AGBL4: variants seen among roughly 807,000 people sequenced by gnomAD.
AGBL4 encodes AGBL carboxypeptidase 4, also known as cytosolic carboxypeptidase 6.
Under a neutral mutation model 66.4 loss-of-function variants are expected in AGBL4, and 58 were observed. That is an observed-to-expected ratio of 0.87 (90% CI 0.71 to 1.09). AGBL4 has a LOEUF of 1.09. Ranked by LOEUF, AGBL4 falls within the 50% of genes least tolerant of loss-of-function variation. The probability of loss-of-function intolerance (pLI) is 0.00; values close to 1 mark genes in which losing one functional copy is unlikely to be tolerated. For missense variants in AGBL4, 579 were observed against 631.0 expected (o/e 0.92, Z 0.88); for synonymous variants, 234 against 222.9 (o/e 1.05, Z -0.44).
chr1:48,674,018 C>A (rs1646321743), intron 6 of AGBL4, among the ~76,000 whole-genome samples: 1 of 152,130 alleles, frequency 6.6e-6, no homozygotes, highest in South Asian at 2.1e-4. Context: ...CCCATACACT[C>A]GAAGTTAACC....
chr1:48,923,187 T>C (rs1234937233), intron 5 of AGBL4, among the ~76,000 whole-genome samples: 1 of 152,106 alleles, frequency 6.6e-6, no homozygotes, highest in Non-Finnish European at 1.5e-5. Flanking sequence ...ATTTTATGGA[T>C]AAATAAATTG....
chr1:49,859,093 AC>A (rs1222238016), intron 1 of AGBL4, among the ~76,000 whole-genome samples: 1 of 152,220 alleles, frequency 6.6e-6, no homozygotes, highest in Non-Finnish European at 1.5e-5. Flanking sequence ...ATTATGTTTA[AC>A]CCTTCAATAC....
chr1:49,096,683 C>T (rs1645110374), intron 4 of AGBL4, among the ~76,000 whole-genome samples: 1 of 106,310 alleles, frequency 9.4e-6, no homozygotes, highest in African/African-American at 3.9e-5. Flanking sequence ...ACACTGGGGC[C>T]TGTTATGGGG....
At chr1:49,187,227 CTTGT>C (rs1179582650) in intron 4 of AGBL4, 5 of 152,142 alleles carry the variant, frequency 3.3e-5, no homozygotes, top group Non-Finnish European at 7.4e-5. Context: ...ATGCCTCTCT[CTTGT>C]TTCTCGTCAG....
At chr1:48,944,984 G>C (rs1436549267) in intron 5 of AGBL4, among the ~76,000 whole-genome samples, 1 of 152,152 alleles carries the variant, frequency 6.6e-6, no homozygotes, top group Non-Finnish European at 1.5e-5. Flanking sequence ...TGGCTGGTTG[G>C]TGACCTCAGA....
chr1:48,726,700 C>G (rs896644984), intron 6 of AGBL4, among the ~76,000 whole-genome samples: 1 of 152,170 alleles, frequency 6.6e-6, no homozygotes, highest in Admixed American at 6.5e-5. Context: ...TCCAGAGACC[C>G]TGAGCTTTTG....
intron 3 of AGBL4, among the ~76,000 whole-genome samples, chr1:49,353,290 C>T (rs575884689): frequency 1.3e-5 from 2 of 152,260 alleles, no homozygotes; most frequent in African/African-American, 4.8e-5. Flanking sequence ...ATATCTCTGG[C>T]ATCTAAGGCA....
At chr1:49,623,777 C>A (rs1332211644) in intron 3 of AGBL4, among the ~76,000 whole-genome samples, 4 of 152,186 alleles carry the variant, frequency 2.6e-5, no homozygotes, top group African/African-American at 9.7e-5. Flanking sequence ...AGGTCAAGGA[C>A]TAGGACTACC....
intron 3 of AGBL4, among the ~76,000 whole-genome samples, chr1:49,431,435 C>G (rs1253787097): frequency 6.6e-6 from 1 of 152,126 alleles, no homozygotes; most frequent in Non-Finnish European, 1.5e-5. Flanking sequence ...ACTCTTTTCT[C>G]TAATCAAAAT....
chr1:49,132,178 T>G lies in AGBL4; in HGVS notation c.378-86378A>C, dbSNP rs181467229. Among the ~76,000 whole-genome samples, 32 of 152,124 alleles carry G rather than the reference T, an allele frequency of 2.1e-4. No individual in the cohort carries two copies. In the South Asian group the frequency reaches 3.7e-3, roughly 18 times the overall value. On this transcript the variant is annotated intron_variant, in intron 4 of 13. Transcript: ENST00000371839. ...CATGGAATTCATAAATTTAGGACAG[T>G]GTGGTTAACACGATCAAATTCCTGA...
intron 3 of AGBL4, among the ~76,000 whole-genome samples, chr1:49,283,994 G>A (rs544887455): frequency 4.1e-5 from 6 of 147,668 alleles, no homozygotes; most frequent in East Asian, 2.0e-4. Context: ...GCAGGCCAAC[G>A]TTCAGATTCA....
At chr1:49,394,812 A>G (rs1644921283) in intron 3 of AGBL4, among the ~76,000 whole-genome samples, 1 of 152,162 alleles carries the variant, frequency 6.6e-6, no homozygotes, top group South Asian at 2.1e-4. Context: ...GAGCAGCTTC[A>G]TTTATATCTG....
At chr1:49,427,637 G>T (rs1254804205) in intron 3 of AGBL4, among the ~76,000 whole-genome samples, 20 of 152,210 alleles carry the variant, frequency 1.3e-4, no homozygotes, top group Admixed American at 1.3e-3. Context: ...TTGACTTCAG[G>T]AGTGAAGTCA....
chr1:49,776,641 T>C (rs1392907068), intron 2 of AGBL4, among the ~76,000 whole-genome samples: 1 of 152,236 alleles, frequency 6.6e-6, no homozygotes, highest in East Asian at 1.9e-4. Context: ...CATAACTAAC[T>C]ACCACTTTGC....
intron 1 of AGBL4, among the ~76,000 whole-genome samples, chr1:49,952,308 G>A (rs1040746709): frequency 8.6e-5 from 13 of 151,734 alleles, no homozygotes; most frequent in African/African-American, 3.1e-4. Flanking sequence ...AACATGTAGT[G>A]GGGAATGATA....
At chr1:49,487,239 C>G (rs1048199316) in intron 3 of AGBL4, among the ~76,000 whole-genome samples, 5 of 151,938 alleles carry the variant, frequency 3.3e-5, no homozygotes, top group Non-Finnish European at 7.4e-5. Context: ...TAACATGCAA[C>G]AGCTAACATT....
chr1:49,751,508 T>C (rs1651462005), intron 2 of AGBL4, among the ~76,000 whole-genome samples: 1 of 152,228 alleles, frequency 6.6e-6, no homozygotes, highest in South Asian at 2.1e-4. Flanking sequence ...GATTTTCGCA[T>C]AGAGATTCAT....
intron 3 of AGBL4, among the ~76,000 whole-genome samples, chr1:49,586,524 T>C (rs1210020008): frequency 6.6e-6 from 1 of 152,172 alleles, no homozygotes; most frequent in Middle Eastern, 3.2e-3. Context: ...AATTTAGAGA[T>C]GTAGAACTAA....
rs575739403 is a variant in AGBL4, at chr1:49,103,947, C to T, written c.378-58147G>A. ...CTTCCACAAAACATTCTGATTTTCA[C>T]ATTCAAATCCCTTAGTGATTGGGTC... On this transcript the variant is annotated intron_variant, in intron 4 of 13. Coordinates refer to ENST00000371839, the MANE Select transcript of AGBL4 (RefSeq NM_032785.4). Among the ~76,000 whole-genome samples, 37 of 152,220 alleles carry T rather than the reference C, an allele frequency of 2.4e-4. No homozygotes were observed. The South Asian group carries it at 6.6e-3, about 27-fold the overall frequency.
Sources: allele counts gnomAD v4.1 joint callset (sites outside exome capture counted in the v4.1 genomes callset), GRCh38; gene constraint gnomAD v4.1.1; transcripts MANE v1.5; gene names NCBI Gene and HGNC (gene_info 2026-07-23, HGNC 2026-07-21).